Variants in AKAP4 observed in about 807,000 individuals in gnomAD.
AKAP4 encodes A-kinase anchor protein 4.
AKAP4 carries 4 observed loss-of-function variants against 42.6 expected under a neutral mutation model. The observed-to-expected ratio is 0.09, with a 90% CI of 0.05 to 0.22. The LOEUF is 0.22. AKAP4 is among the 10% of genes least tolerant of loss of function. The probability of loss-of-function intolerance (pLI) is 1.00; values close to 1 mark genes in which losing one functional copy is unlikely to be tolerated. For missense variants in AKAP4, 551 were observed against 630.7 expected (o/e 0.87, Z 1.35); for synonymous variants, 223 against 233.0 (o/e 0.96, Z 0.39).
chrX:50,200,474 A>C (rs1557204745), intron 1 of AKAP4: 1 of 620,868 alleles, frequency 1.6e-6, no homozygotes, highest in African/African-American at 2.4e-5. Flanking sequence ...AAAGGTGGGC[A>C]TGTTGGCAAA....
Position 50,193,982 on chromosome X carries a change from C to T in AKAP4, c.731G>A (p.Ser244Asn), listed in dbSNP as rs1935155203. Residue 244 changes from serine to asparagine, a missense_variant, in exon 5 of 6, where the codon AGC becomes AAC. Ser to Asn is a conservative substitution (Grantham distance 46, BLOSUM62 1). Transcript: ENST00000358526. ...KEIKEKLEGK[S>N]KCLHHSICPS... Reference sequence around the variant, plus strand: ...ACAGATTGAATGATGAAGGCATTTGCTTTTACCTTCCAACTTCTCCTTGAT... The same window carrying T: ...ACAGATTGAATGATGAAGGCATTTGTTTTTACCTTCCAACTTCTCCTTGAT... 1 of 1,209,467 alleles carries T rather than the reference C, an allele frequency of 8.3e-7. No homozygotes were observed. The highest frequency in any genetic ancestry group is 1.1e-6 in the Non-Finnish European group (1 of 895,060).
In AKAP4 at chrX:50,192,910, T is replaced by C; in HGVS notation, c.1803A>G (p.Leu601=). The stretch of plus-strand genomic sequence containing the variant: ...ATGGTCCAGGGGCTCTGTGAGATTC[T>C]AGTTGTTTCACTGAAAGTGCTTTGG... ...QSAKALSVKQ[L]ESHRAPGPST... is the part of the protein sequence containing the mutation. Residue 601 remains leucine, a synonymous_variant, in exon 5 of 6, where the codon CTA becomes CTG. Coordinates refer to ENST00000358526, the MANE Select transcript of AKAP4 (RefSeq NM_003886.3). 8.3e-7 allele frequency: 1 copy of C among 1,212,052 alleles called. No individual in the cohort carries two copies. Among genetic ancestry groups the C allele is most frequent in the Non-Finnish European group, 1.1e-6 (1 of 895,525 alleles).
In AKAP4 at chrX:50,190,903, C is replaced by T; in HGVS notation, c.*57G>A. The stretch of plus-strand genomic sequence containing the variant: ...TGACTGGCCTGATGGTGGGGGTGCT[C>T]TGGCTGGGATGGAATGCTGCTAGGG... On this transcript the variant is annotated 3_prime_UTR_variant, in exon 6 of 6. Transcript: ENST00000358526. 1 of 1,191,825 alleles carries T rather than the reference C, an allele frequency of 8.4e-7. No individual in the cohort carries two copies. The highest frequency in any genetic ancestry group is 1.1e-6 in the Non-Finnish European group (1 of 883,667).
chrX:50,192,892 A>G lies in AKAP4; in HGVS notation c.1821T>C (p.Pro607=). Residue 607 remains proline, a synonymous_variant, in exon 5 of 6, where the codon CCT becomes CCC. Transcript: ENST00000358526. ...SVKQLESHRA[P]GPSTCQKENQ... is the part of the protein sequence containing the mutation. ...TCTCCTTTTGACAGGTGGATGGTCCAGGGGCTCTGTGAGATTCTAGTTGTT... is the reference window on the plus strand; with the variant it reads ...TCTCCTTTTGACAGGTGGATGGTCCGGGGGCTCTGTGAGATTCTAGTTGTT... 1 of 1,212,038 alleles carries G rather than the reference A, an allele frequency of 8.3e-7. No individual in the cohort carries two copies. The highest frequency in any genetic ancestry group is 1.1e-6 in the Non-Finnish European group (1 of 895,524).
Position 50,192,656 on chromosome X carries a change from G to A in AKAP4, c.2057C>T (p.Thr686Ile). 8.3e-7 allele frequency: 1 copy of A among 1,211,384 alleles called. No homozygotes were observed. The highest frequency in any genetic ancestry group is 1.1e-6 in the Non-Finnish European group (1 of 895,490). The change falls in exon 5 of 6, where the codon ACC (threonine) becomes ATC (isoleucine). Residue 686 changes from threonine to isoleucine, a missense_variant. Thr to Ile is a moderately conservative substitution (Grantham distance 89). Coordinates refer to ENST00000358526, the MANE Select transcript of AKAP4 (RefSeq NM_003886.3). ...QCQEHQELDC[T>I]SGMKQANGQF... ...CCCGTTCGCTTGCTTCATCCCACTG[G>A]TACAGTCAAGTTCTTGATGCTCCTG...
At chrX:50,191,659 T>TGTGTGAGAGAGA (rs1363221828) in intron 5 of AKAP4, among the ~76,000 whole-genome samples, 1 of 43,617 alleles carries the variant, frequency 2.3e-5, no homozygotes, top group African/African-American at 7.4e-5. Flanking sequence ...TGTGTGTGTG[T>TGTGTGAGAGAGA]GAGAGAGAGA....
At chrX:50,194,662 C>T (rs1385269686) in intron 4 of AKAP4, among the ~76,000 whole-genome samples, 1 of 109,312 alleles carries the variant, frequency 9.1e-6, no homozygotes, top group African/African-American at 3.3e-5. Context: ...TATATGTCTG[C>T]CAACTCATAT....
chrX:50,192,250 C>T, intron 5 of AKAP4, 54 bp downstream of exon 5: 2 of 1,021,014 alleles, frequency 2.0e-6, no homozygotes, highest in East Asian at 6.5e-5. Context: ...ACAATGCTGC[C>T]TCCCTGCCTC....
chrX:50,198,395 G>T (rs1935217558), intron 2 of AKAP4, among the ~76,000 whole-genome samples: 1 of 109,474 alleles, frequency 9.1e-6, no homozygotes, highest in Admixed American at 9.8e-5. Flanking sequence ...GAGGCTGGTT[G>T]CCAGGCAACC....
At chrX:50,200,598 G>T (rs1437184327) in intron 1 of AKAP4, among the ~76,000 whole-genome samples, 2 of 112,364 alleles carry the variant, frequency 1.8e-5, no homozygotes, top group African/African-American at 6.5e-5. Context: ...CTGGCTCACA[G>T]TCCATCAAGA....
rs1343993318 is a variant in AKAP4, at chrX:50,192,435, T to A, written c.2278A>T (p.Ile760Phe). 2.5e-5 allele frequency: 30 copies of A among 1,204,992 alleles called. No homozygotes were observed. The highest frequency in any genetic ancestry group is 3.2e-5 in the Non-Finnish European group (29 of 892,499). The change falls in exon 5 of 6, where the codon ATT becomes TTT. Residue 760 changes from isoleucine to phenylalanine, a missense_variant. Transcript: ENST00000358526. Reference sequence around the variant, plus strand: ...TTTGTAGAGCACTGATTATTGACAATTACTTCATGTCCAAGAGAGTCTTGA... The same window carrying A: ...TTTGTAGAGCACTGATTATTGACAAATACTTCATGTCCAAGAGAGTCTTGA... The part of the protein sequence containing the change: ...NYQDSLGHEV[I>F]VNNQCSTNSL...
intron 4 of AKAP4, among the ~76,000 whole-genome samples, chrX:50,194,849 T>A (rs782259848): frequency 8.1e-5 from 9 of 111,643 alleles, no homozygotes; most frequent in Non-Finnish European, 1.5e-4. Flanking sequence ...TGTGTGACTA[T>A]GTCTAAGCAT....
intron 2 of AKAP4, 25 bp downstream of exon 2, chrX:50,198,632 C>T (rs1009813329): frequency 1.7e-6 from 2 of 1,157,786 alleles, no homozygotes; most frequent in Non-Finnish European, 2.4e-6. Context: ...TCCTACTCCT[C>T]GGCATGAGTC....
In AKAP4 at chrX:50,193,359, T is replaced by C; in HGVS notation, c.1354A>G (p.Lys452Glu). 8.3e-7 allele frequency: 1 copy of C among 1,211,662 alleles called. No individual in the cohort carries two copies. The highest frequency in any genetic ancestry group is 1.1e-6 in the Non-Finnish European group (1 of 895,482). The change falls in exon 5 of 6, where the codon AAA becomes GAA. Residue 452 changes from lysine (K) to glutamate (E), a missense_variant. Transcript: ENST00000358526. ...CATTTGGGATCATGGGACCCAGCTT[T>C]TAAAGATGCATATGACAGACTCTGA... ...KSQSLSYASL[K>E]AGSHDPKCRN...
rs558811281 is a variant in AKAP4, at chrX:50,192,358, C to A, written c.2355G>T (p.Gln785His). The A allele has an allele frequency of 5.9e-4, 710 of 1,205,633 alleles. 10 individuals are homozygous for A. The South Asian group carries it at 0.012, about 21-fold the overall frequency. Residue 785 changes from glutamine (Q) to histidine (H), a missense_variant, in exon 5 of 6, where the codon CAG (glutamine) becomes CAT (histidine). Gln to His is a conservative substitution (Grantham distance 24). Transcript: ENST00000358526. The part of the protein sequence containing the change: ...QAVLQWIAAS[Q>H]FNVPMLYFMG... ...TGAAGTAGAGCATGGGCACGTTAAA[C>A]TGGGAGGCTGCAATCCACTGCAGGA...
intron 4 of AKAP4, among the ~76,000 whole-genome samples, chrX:50,194,940 G>A (rs1935170756): frequency 9.0e-6 from 1 of 111,700 alleles, no homozygotes; most frequent in African/African-American, 3.3e-5. Context: ...ATGCATATTT[G>A]TACATGTGTG....
intron 5 of AKAP4, among the ~76,000 whole-genome samples, chrX:50,191,528 G>A (rs1935108389): frequency 1.8e-5 from 2 of 110,230 alleles, no homozygotes; most frequent in Admixed American, 2.0e-4. Flanking sequence ...AGGGAGGATT[G>A]TCTGAGCTTG....
Position 50,190,925 on chromosome X carries a change from AG to A in AKAP4, c.*34del, listed in dbSNP as rs782547097. 40 of 1,203,746 alleles carry A rather than the reference AG, an allele frequency of 3.3e-5. No homozygotes were observed. The African/African-American group carries it at 5.5e-4, about 16-fold the overall frequency. On this transcript the variant is annotated 3_prime_UTR_variant, in exon 6 of 6. Transcript: ENST00000358526. Reference sequence around the variant, plus strand: ...GCTCTGGCTGGGATGGAATGCTGCTAGGGGGGCTAAGATGAAGAGGAGTCAA... The same window carrying A: ...GCTCTGGCTGGGATGGAATGCTGCTAGGGGGCTAAGATGAAGAGGAGTCAA...
Sources: allele counts gnomAD v4.1 joint callset (sites outside exome capture counted in the v4.1 genomes callset), GRCh38; gene constraint gnomAD v4.1.1; transcripts MANE v1.5; gene names NCBI Gene and HGNC (gene_info 2026-07-23, HGNC 2026-07-21).